COX16: variants seen among roughly 807,000 people sequenced by gnomAD.
COX16 encodes cytochrome c oxidase assembly factor COX16.
A neutral mutation model predicts 15.4 loss-of-function variants in COX16; 12 were observed. The ratio of observed to expected loss-of-function variants is 0.78; its 90% confidence interval spans 0.50 to 1.26. The LOEUF (loss-of-function observed/expected upper bound fraction) is 1.26, where lower values mean the gene tolerates loss of function less well. Ranked by LOEUF, COX16 falls within the 50% of genes most tolerant of loss-of-function variation. COX16 has a pLI of 0.00. For missense variants in COX16, 124 were observed against 127.6 expected (o/e 0.97, Z 0.14); for synonymous variants, 46 against 41.1 (o/e 1.12, Z -0.46).
In COX16 at chr14:70,342,817, T is replaced by A. The variant is rs989661453; in HGVS notation, c.70-88A>T. 6.7e-5 allele frequency: 92 copies of A among 1,371,830 alleles called. No individual in the cohort carries two copies. The African/African-American group carries it at 1.3e-3, about 19-fold the overall frequency. 85.0% of individuals were successfully genotyped at this position (1,371,830 alleles called of 1,614,324 possible). On this transcript the variant is annotated intron_variant, in intron 1 of 3. Transcript: ENST00000389912. Reference sequence around the variant, plus strand: ...TATAGATTGCTTTTCTAAACAACAATAGAGGCACATTATACAAAAATTCTA... The same window carrying A: ...TATAGATTGCTTTTCTAAACAACAAAAGAGGCACATTATACAAAAATTCTA...
intron 1 of COX16, among the ~76,000 whole-genome samples, chr14:70,352,153 C>T (rs886962978): frequency 6.6e-6 from 1 of 152,052 alleles, no homozygotes; most frequent in Non-Finnish European, 1.5e-5. Context: ...TTGATACTTA[C>T]GTGTAGTATA....
chr14:70,353,882 CATAA>C, intron 1 of COX16, among the ~76,000 whole-genome samples: 1 of 151,996 alleles, frequency 6.6e-6, no homozygotes, highest in Non-Finnish European at 1.5e-5. Context: ...AGGTATAAAA[CATAA>C]ATGTTTATAA....
At chr14:70,354,862 G>GT (rs1555345903) in intron 1 of COX16, among the ~76,000 whole-genome samples, 2 of 141,644 alleles carry the variant, frequency 1.4e-5, no homozygotes, top group Non-Finnish European at 3.1e-5. Flanking sequence ...GTGTGTGTGT[G>GT]GTGTTTGAAT....
At chr14:70,340,844 C>A (rs966846145) in intron 2 of COX16, among the ~76,000 whole-genome samples, 3 of 152,152 alleles carry the variant, frequency 2.0e-5, no homozygotes, top group Non-Finnish European at 4.4e-5. Context: ...AAGGCTAATG[C>A]CTTTAGAAAA....
chr14:70,354,244 A>G (rs757110432), intron 1 of COX16, among the ~76,000 whole-genome samples: 1 of 152,250 alleles, frequency 6.6e-6, no homozygotes, highest in Non-Finnish European at 1.5e-5. Context: ...ATCAGAAAAA[A>G]TATCTGTTAT....
intron 2 of COX16, among the ~76,000 whole-genome samples, chr14:70,339,854 C>A (rs1258794370): frequency 6.6e-6 from 1 of 152,112 alleles, no homozygotes; most frequent in Non-Finnish European, 1.5e-5. Flanking sequence ...TCACCTCAAC[C>A]ATGTCCTCTC....
At chr14:70,351,839 T>TAAAA (rs1886965901) in intron 1 of COX16, among the ~76,000 whole-genome samples, 1 of 152,192 alleles carries the variant, frequency 6.6e-6, no homozygotes, top group Admixed American at 6.5e-5. Flanking sequence ...TTATGTTTTA[T>TAAAA]AGTGTTTTAT....
chr14:70,348,599 G>A (rs939225237), intron 1 of COX16, among the ~76,000 whole-genome samples: 4 of 151,892 alleles, frequency 2.6e-5, no homozygotes, highest in Admixed American at 6.6e-5. Flanking sequence ...AAGCCAATCC[G>A]CTCCCCCAGG....
At position 70,347,968 on chromosome 14, in the gene COX16, A is replaced by G. The variant is rs530295206; in HGVS notation, c.70-5239T>C. On this transcript the variant is annotated intron_variant, in intron 1 of 3. Coordinates refer to ENST00000389912, the MANE Select transcript of COX16 (RefSeq NM_016468.7). ...GCATAGCCTATTACCCAACCTTTCC[A>G]TCTACTCCAGAAGACTCTCATCTCA... Among the ~76,000 whole-genome samples the G allele has an allele frequency of 3.9e-4, 59 of 151,900 alleles. 1 individual carries two copies. The highest frequency in any genetic ancestry group is 3.1e-3 in the South Asian group (15 of 4,792).
intron 2 of COX16, among the ~76,000 whole-genome samples, chr14:70,341,697 C>T (rs1021146109): frequency 2.0e-5 from 3 of 152,084 alleles, no homozygotes; most frequent in Admixed American, 2.0e-4. Context: ...AAAATAAAGA[C>T]GATAACATAT....
chr14:70,345,905 C>T (rs1485717600), intron 1 of COX16, among the ~76,000 whole-genome samples: 1 of 152,094 alleles, frequency 6.6e-6, no homozygotes, highest in Non-Finnish European at 1.5e-5. Flanking sequence ...CCCCCCAAGC[C>T]TCCTCGTTGT....
chr14:70,329,325 A>C (rs1886203240), intron 2 of COX16, 89 bp from the exon 3 acceptor site: 3 of 1,200,810 alleles, frequency 2.5e-6, no homozygotes, highest in Non-Finnish European at 3.5e-6. Context: ...GATGGCTGAA[A>C]TACTATAGCC....
chr14:70,328,072 A>AGTTTTTTTTTTTTTT (rs1886142454), intron 3 of COX16: 3 of 80,840 alleles, frequency 3.7e-5, no homozygotes, highest in African/African-American at 5.0e-5. Context: ...TGAGAATAAG[A>AGTTTTTTTTTTTTTT]TTTTTTTTTT....
intron 2 of COX16, among the ~76,000 whole-genome samples, chr14:70,332,019 T>C (rs1273782377): frequency 1.3e-5 from 2 of 152,236 alleles, no homozygotes; most frequent in South Asian, 2.1e-4. Context: ...TCCACTGAGC[T>C]TGCTTCTAAG....
intron 1 of COX16, among the ~76,000 whole-genome samples, chr14:70,347,374 T>A (rs756796098): frequency 4.6e-5 from 7 of 152,186 alleles, no homozygotes; most frequent in Non-Finnish European, 1.0e-4. Flanking sequence ...CCCATTTTCC[T>A]GTTCTATACC....
intron 1 of COX16, among the ~76,000 whole-genome samples, chr14:70,345,069 T>C (rs1483649931): frequency 2.0e-5 from 3 of 152,124 alleles, no homozygotes; most frequent in Non-Finnish European, 4.4e-5. Flanking sequence ...GAGGTTCTGG[T>C]CCACGTCCCC....
At chr14:70,329,438 C>CTGAT (rs1886208795) in intron 2 of COX16, among the ~76,000 whole-genome samples, 1 of 151,962 alleles carries the variant, frequency 6.6e-6, no homozygotes, top group Non-Finnish European at 1.5e-5. Flanking sequence ...TTAATATCTA[C>CTGAT]TGATTACTTG....
intron 2 of COX16, among the ~76,000 whole-genome samples, chr14:70,337,589 T>C (rs897359144): frequency 2.6e-5 from 4 of 152,010 alleles, no homozygotes; most frequent in African/African-American, 9.7e-5. Context: ...TGTTTAAAGA[T>C]AGAATCATAT....
In COX16 at chr14:70,351,343, TACAC is replaced by T. The variant is rs533966460; in HGVS notation, c.69+8172_69+8175del. Among the ~76,000 whole-genome samples, 461 of 151,498 alleles carry T rather than the reference TACAC, an allele frequency of 3.0e-3. 4 individuals carry two copies. The highest frequency in any genetic ancestry group is 0.011 in the African/African-American group (446 of 41,222). ...ACTGCATTAATATTTTATTAATAAA[TACAC>T]ACAAAAGTGTATATAAAGCATTAAT... On this transcript the variant is annotated intron_variant, in intron 1 of 3. Transcript: ENST00000389912.
Sources: gnomAD v4.1 joint callset for allele counts (sites outside exome capture counted in the v4.1 genomes callset) on GRCh38, gnomAD v4.1.1 for gene constraint, MANE v1.5 for transcripts, NCBI Gene and HGNC (gene_info 2026-07-23, HGNC 2026-07-21) for gene names.